DYRK1A: variants seen among roughly 807,000 people sequenced by gnomAD.
DYRK1A encodes dual specificity tyrosine phosphorylation regulated kinase 1A, also known as dual specificity tyrosine-phosphorylation-regulated kinase 1A.
DYRK1A carries 9 observed loss-of-function variants against 79.7 expected under a neutral mutation model. The ratio of observed to expected loss-of-function variants is 0.11; its 90% CI spans 0.07 to 0.20. The LOEUF (loss-of-function observed/expected upper bound fraction) is 0.20, where lower values mean the gene tolerates loss of function less well. DYRK1A is among the 10% of genes least tolerant of loss of function. The pLI is 1.00. For synonymous variants in DYRK1A, 349 were observed against 329.7 expected, an observed-to-expected ratio of 1.06 and a Z score of -0.63; for missense variants, 622 against 956.0, an observed-to-expected ratio of 0.65 and a Z score of 4.61.
At chr21:37,436,675 T>C (rs969957606) in intron 2 of DYRK1A, among the ~76,000 whole-genome samples, 3 of 152,222 alleles carry the variant, frequency 2.0e-5, no homozygotes, top group African/African-American at 4.8e-5. Context: ...ATAGTAAAAT[T>C]AGACAAGCTA....
At chr21:37,430,730 G>A (rs114735441) in intron 2 of DYRK1A, among the ~76,000 whole-genome samples, 52 of 152,304 alleles carry the variant, frequency 3.4e-4, no homozygotes, top group Middle Eastern at 3.4e-3. Context: ...TGGTTTTGGC[G>A]TGTCTAGTCC....
intron 2 of DYRK1A, among the ~76,000 whole-genome samples, chr21:37,461,698 T>C (rs1475624682): frequency 6.6e-6 from 1 of 152,166 alleles, no homozygotes; most frequent in African/African-American, 2.4e-5. Flanking sequence ...AGATGTTTTA[T>C]TTTCTTCTGG....
chr21:37,368,188 C>T (rs1569270401), intron 1 of DYRK1A: 1 of 152,186 alleles, frequency 6.6e-6, no homozygotes, highest in Non-Finnish European at 1.5e-5. Context: ...GAGGGGCACT[C>T]ACTGGCCTCC....
Position 37,455,905 on chromosome 21 carries a change from A to G in DYRK1A, c.11-16779A>G, listed in dbSNP as rs912541640. ...TTAATTGATTTGCCCAAAGCGACAC[A>G]GAAGTTGGTAGCTAGCTAGTAAATG... is the stretch of plus-strand genomic sequence containing the variant. On this transcript the variant is annotated intron_variant, in intron 2 of 11. Coordinates refer to ENST00000647188, the MANE Select transcript of DYRK1A (RefSeq NM_001347721.2). Among the ~76,000 whole-genome samples, 3 of 152,206 alleles carry G rather than the reference A, an allele frequency of 2.0e-5. No homozygotes were observed. In the South Asian group the frequency reaches 6.2e-4, roughly 31 times the overall value.
At chr21:37,458,776 T>G (rs536227378) in intron 2 of DYRK1A, among the ~76,000 whole-genome samples, 3 of 152,194 alleles carry the variant, frequency 2.0e-5, no homozygotes, top group African/African-American at 7.2e-5. Context: ...ATGTGAGATA[T>G]AGAGAGCAGG....
chr21:37,366,478 C>A (rs961740158), upstream of DYRK1A, among the ~76,000 whole-genome samples: 2 of 149,022 alleles, frequency 1.3e-5, no homozygotes, highest in East Asian at 2.0e-4. Context: ...CTCGCCCCCC[C>A]TTCCCCAGCC....
At chr21:37,370,211 G>A (rs980371586) in intron 1 of DYRK1A, among the ~76,000 whole-genome samples, 1 of 152,048 alleles carries the variant, frequency 6.6e-6, no homozygotes, top group Non-Finnish European at 1.5e-5. Context: ...ATGGTATACA[G>A]TGACCTTTGG....
intron 9 of DYRK1A, chr21:37,504,450 T>C (rs1318375911): frequency 6.6e-6 from 1 of 152,242 alleles, no homozygotes; most frequent in Non-Finnish European, 1.5e-5. Context: ...CAGGAGATTT[T>C]TGTTCCAACT....
chr21:37,400,473 T>C (rs913340187), intron 1 of DYRK1A, among the ~76,000 whole-genome samples: 2 of 152,240 alleles, frequency 1.3e-5, no homozygotes, highest in African/African-American at 4.8e-5. Context: ...AGATATATCA[T>C]AAGTATACTT....
chr21:37,414,500 A>T (rs548780451), intron 1 of DYRK1A, among the ~76,000 whole-genome samples: 1 of 152,300 alleles, frequency 6.6e-6, no homozygotes, highest in East Asian at 1.9e-4. Context: ...CCCATTAAAG[A>T]TAAGTCATCT....
At chr21:37,389,027 A>G (rs898325106) in intron 1 of DYRK1A, among the ~76,000 whole-genome samples, 12 of 151,786 alleles carry the variant, frequency 7.9e-5, no homozygotes, top group Admixed American at 6.6e-4. Flanking sequence ...GCCAAAAAAA[A>G]GCTTTTAAAT....
intron 1 of DYRK1A, among the ~76,000 whole-genome samples, chr21:37,417,549 T>TC (rs1569304741): frequency 5.1e-5 from 7 of 136,046 alleles, no homozygotes; most frequent in Non-Finnish European, 8.0e-5. Context: ...TTTTTTTTTT[T>TC]TTTTTACAAA....
At chr21:37,476,828 C>CA (rs1555978556) in intron 3 of DYRK1A, among the ~76,000 whole-genome samples, 1 of 148,426 alleles carries the variant, frequency 6.7e-6, no homozygotes, top group East Asian at 2.0e-4. Flanking sequence ...TCCCCCCCCC[C>CA]CCAACCTTAT....
At chr21:37,419,813 G>A (rs2050429740) in intron 1 of DYRK1A, 1 of 152,174 alleles carries the variant, frequency 6.6e-6, no homozygotes, top group Non-Finnish European at 1.5e-5. Flanking sequence ...ACTTGGGGGA[G>A]CGGTTGTGAG....
chr21:37,424,038 G>T (rs951787649), intron 2 of DYRK1A, among the ~76,000 whole-genome samples: 13 of 152,078 alleles, frequency 8.5e-5, no homozygotes, highest in Non-Finnish European at 1.6e-4. Flanking sequence ...AATCAGATCT[G>T]TAAATTACAA....
intron 11 of DYRK1A, among the ~76,000 whole-genome samples, chr21:37,509,596 C>G (rs2053695630): frequency 6.6e-6 from 1 of 151,974 alleles, no homozygotes; most frequent in Non-Finnish European, 1.5e-5. Flanking sequence ...ATGATTGTGT[C>G]CCAGCACACC....
chr21:37,444,534 C>G (rs1569327430), intron 2 of DYRK1A, among the ~76,000 whole-genome samples: 1 of 152,124 alleles, frequency 6.6e-6, no homozygotes, highest in Admixed American at 6.6e-5. Flanking sequence ...ATGGACCTTA[C>G]TGTGTGTGGG....
At position 37,490,560 on chromosome 21, in the gene DYRK1A, C is replaced by T. The variant is rs67837743; in HGVS notation, c.924+99C>T. ...TTGGCGCAAAAGTAATTGCGGTTTT[C>T]GCCATTGCAGTTGCTGTTTTTGCAG... On this transcript the variant is annotated intron_variant, in intron 7 of 11. Coordinates refer to ENST00000647188, the MANE Select transcript of DYRK1A (RefSeq NM_001347721.2). 1,056,338 of 1,056,394 alleles carry T rather than the reference C, an allele frequency of 1. 528,141 individuals carry two copies. The highest frequency in any genetic ancestry group is 1 in the Middle Eastern group (3,072 of 3,072). The allele number at this position is 1,056,394 out of a possible 1,614,324, so 65.4% of individuals were successfully genotyped here.
At chr21:37,369,371 C>T (rs1276194812) in intron 1 of DYRK1A, among the ~76,000 whole-genome samples, 1 of 152,286 alleles carries the variant, frequency 6.6e-6, no homozygotes, top group East Asian at 1.9e-4. Flanking sequence ...TGCAGAAGAT[C>T]ATTTCAAAGA....
Sources: allele counts gnomAD v4.1 joint callset (sites outside exome capture counted in the v4.1 genomes callset), GRCh38; gene constraint gnomAD v4.1.1; transcripts MANE v1.5; gene names NCBI Gene and HGNC (gene_info 2026-07-23, HGNC 2026-07-21).